Variants in FAM185A observed in about 807,000 individuals in gnomAD.
FAM185A encodes the protein protein FAM185A.
Under a neutral mutation model 45.7 loss-of-function variants are expected in FAM185A, and 21 were observed. The ratio of observed to expected loss-of-function variants is 0.46; its 90% CI spans 0.33 to 0.66. FAM185A has a LOEUF of 0.66. FAM185A is among the 30% of genes least tolerant of loss of function. The pLI is 0.03. For missense variants in FAM185A, 305 were observed against 485.4 expected (o/e 0.63, Z 3.49); for synonymous variants, 117 against 194.0 (o/e 0.60, Z 3.30).
At chr7:102,814,863 T>C in the FAM185A span, among the ~76,000 whole-genome samples, 7 of 152,252 alleles carry the variant, frequency 4.6e-5, no homozygotes, top group East Asian at 7.7e-4. Flanking sequence ...AAACCTCTTA[T>C]ATAATCTTTA....
At chr7:102,750,893 G>C (rs1301870073) in intron 1 of FAM185A, among the ~76,000 whole-genome samples, 2 of 152,104 alleles carry the variant, frequency 1.3e-5, no homozygotes, top group African/African-American at 4.8e-5. Flanking sequence ...CCACAATCTT[G>C]TGGGGTTTTT....
intron 3 of FAM185A, among the ~76,000 whole-genome samples, chr7:102,760,212 A>G (rs1271969709): frequency 2.0e-5 from 3 of 152,064 alleles, no homozygotes; most frequent in Non-Finnish European, 4.4e-5. Flanking sequence ...AGAACTATAT[A>G]TATGTATTTA....
At chr7:102,825,422 G>T in the FAM185A span, among the ~76,000 whole-genome samples, 1 of 152,292 alleles carries the variant, frequency 6.6e-6, no homozygotes, top group South Asian at 2.1e-4. Context: ...TTGGAATTCT[G>T]CAGAGAGTCC....
At chr7:102,837,431 A>C in the FAM185A span, among the ~76,000 whole-genome samples, 1 of 152,260 alleles carries the variant, frequency 6.6e-6, no homozygotes, top group Non-Finnish European at 1.5e-5. Context: ...TTTCATGATG[A>C]AATTTGTTAT....
chr7:102,781,747 G>A (rs1795420730), intron 6 of FAM185A, among the ~76,000 whole-genome samples: 1 of 152,192 alleles, frequency 6.6e-6, no homozygotes, highest in African/African-American at 2.4e-5. Context: ...CAAAATCAGA[G>A]CACCTCTCCT....
intron 5 of FAM185A, among the ~76,000 whole-genome samples, chr7:102,777,042 A>C (rs1390790687): frequency 6.6e-6 from 1 of 152,178 alleles, no homozygotes; most frequent in Non-Finnish European, 1.5e-5. Context: ...ATATAGATAA[A>C]GATTTTTAAA....
chr7:102,830,685 T>C, the FAM185A span, among the ~76,000 whole-genome samples: 1 of 152,172 alleles, frequency 6.6e-6, no homozygotes, highest in African/African-American at 2.4e-5. Context: ...CCAAACAACA[T>C]AGAAGCTGAA....
intron 7 of FAM185A, among the ~76,000 whole-genome samples, chr7:102,795,240 G>A (rs1432181220): frequency 5.3e-5 from 8 of 152,178 alleles, no homozygotes; most frequent in Non-Finnish European, 7.3e-5. Flanking sequence ...TGATAGTGCA[G>A]TATAGTTATA....
At chr7:102,761,858 T>C (rs1033533283) in intron 4 of FAM185A, among the ~76,000 whole-genome samples, 2 of 152,090 alleles carry the variant, frequency 1.3e-5, no homozygotes, top group Non-Finnish European at 2.9e-5. Flanking sequence ...GAGATGGGGT[T>C]TCGCCATGTT....
chr7:102,755,855 C>T, intron 2 of FAM185A: 3 of 648,584 alleles, frequency 4.6e-6, no homozygotes, highest in Non-Finnish European at 5.6e-6. Flanking sequence ...ACTGGGACGG[C>T]AATGTCCTGG....
At chr7:102,784,409 A>G (rs1387252491) in intron 6 of FAM185A, among the ~76,000 whole-genome samples, 1 of 152,198 alleles carries the variant, frequency 6.6e-6, no homozygotes, top group Non-Finnish European at 1.5e-5. Context: ...AATATTCCTG[A>G]TGAACATCGA....
chr7:102,828,033 T>A, the FAM185A span, among the ~76,000 whole-genome samples: 1 of 152,224 alleles, frequency 6.6e-6, no homozygotes, highest in African/African-American at 2.4e-5. Context: ...TCCAGCTTTG[T>A]TCTTTTGGCT....
intron 2 of FAM185A, among the ~76,000 whole-genome samples, chr7:102,752,747 T>C (rs1321575946): frequency 6.8e-6 from 1 of 146,102 alleles, no homozygotes; most frequent in East Asian, 2.0e-4. Flanking sequence ...TTTTAAAGAT[T>C]AGACTGGTGT....
chr7:102,835,435 C>T, the FAM185A span, among the ~76,000 whole-genome samples: 1 of 152,098 alleles, frequency 6.6e-6, no homozygotes, highest in South Asian at 2.1e-4. Flanking sequence ...CCTTGTACTG[C>T]CTGGAAATCT....
At chr7:102,826,753 A>ATATATATATATATG in the FAM185A span, among the ~76,000 whole-genome samples, 14 of 112,248 alleles carry the variant, frequency 1.2e-4, no homozygotes, top group Admixed American at 2.1e-4. Context: ...ATATATATAT[A>ATATATATATATATG]TATATATATA....
intron 6 of FAM185A, among the ~76,000 whole-genome samples, chr7:102,786,984 G>A (rs1162673489): frequency 6.6e-6 from 1 of 152,060 alleles, no homozygotes; most frequent in East Asian, 1.9e-4. Flanking sequence ...TGTAATTAGG[G>A]GTCTGGCTCA....
chr7:102,822,003 G>T, the FAM185A span: 1 of 1,603,170 alleles, frequency 6.2e-7, no homozygotes. Flanking sequence ...TCAGAAAGTA[G>T]TTCTCAAAAG....
chr7:102,848,711 A>G, the FAM185A span, among the ~76,000 whole-genome samples: 1 of 152,004 alleles, frequency 6.6e-6, no homozygotes, highest in Non-Finnish European at 1.5e-5. Context: ...AAGCAACCAG[A>G]GGCCAGGCAC....
the FAM185A span, among the ~76,000 whole-genome samples, chr7:102,842,545 T>C: frequency 6.6e-6 from 1 of 152,242 alleles, no homozygotes; most frequent in Non-Finnish European, 1.5e-5. Flanking sequence ...TTAGAAAGTT[T>C]AGTGATTCAA....
Sources: gnomAD v4.1 joint callset for allele counts (sites outside exome capture counted in the v4.1 genomes callset) on GRCh38, gnomAD v4.1.1 for gene constraint, MANE v1.5 for transcripts, NCBI Gene and HGNC (gene_info 2026-07-23, HGNC 2026-07-21) for gene names.